Variants in EPC1 observed in about 807,000 individuals in gnomAD.
EPC1 encodes the protein enhancer of polycomb 1.
In EPC1, 12 loss-of-function variants were observed where a neutral mutation model predicts 98.4. That is an observed-to-expected ratio of 0.12 (90% CI 0.08 to 0.20). The LOEUF (loss-of-function observed/expected upper bound fraction) is 0.20. EPC1 is among the 10% of genes least tolerant of loss of function. EPC1 has a pLI of 1.00. For missense variants in EPC1, 729 were observed against 990.5 expected, an observed-to-expected ratio of 0.74 and a Z score of 3.54; for synonymous variants, 357 against 363.9, an observed-to-expected ratio of 0.98 and a Z score of 0.21.
Position 32,346,756 on chromosome 10 carries a change from C to G in EPC1, c.153+7G>C. 2 of 1,613,752 alleles carry G rather than the reference C, an allele frequency of 1.2e-6. No homozygotes were observed. Among genetic ancestry groups the G allele is most frequent in the South Asian group, 1.1e-5 (1 of 91,056 alleles). ...ACGGTGGGTCGGACAGGGGAGTTAA[C>G]ACGTACCGACTCCTCTTCCTTCTCC... On this transcript the variant is annotated splice_region_variant and intron_variant, in intron 1 of 13. Coordinates refer to ENST00000319778, the MANE Select transcript of EPC1 (RefSeq NM_001272004.3).
At chr10:32,275,945 A>G (rs1405014212) in intron 10 of EPC1, among the ~76,000 whole-genome samples, 1 of 152,176 alleles carries the variant, frequency 6.6e-6, no homozygotes, top group East Asian at 1.9e-4. Context: ...TCATAAAAAA[A>G]AAAAAATGCA....
intron 1 of EPC1, among the ~76,000 whole-genome samples, chr10:32,322,189 C>T (rs1048290789): frequency 4.0e-5 from 6 of 151,178 alleles, no homozygotes; most frequent in Non-Finnish European, 5.9e-5. Context: ...TATCGCAGTT[C>T]GCAGTAAAAA....
chr10:32,285,405 C>A, intron 9 of EPC1: 1 of 207,678 alleles, frequency 4.8e-6, no homozygotes, highest in Non-Finnish European at 9.7e-6. Flanking sequence ...ACATAGTATA[C>A]CATTAACATT....
chr10:32,298,137 C>T (rs532483943), intron 2 of EPC1, among the ~76,000 whole-genome samples: 2 of 152,160 alleles, frequency 1.3e-5, no homozygotes, highest in South Asian at 4.2e-4. Flanking sequence ...TGGTACAAAC[C>T]GTGGTATTTA....
chr10:32,351,905 AT>A (rs565894598), upstream of EPC1, among the ~76,000 whole-genome samples: 1 of 132,260 alleles, frequency 7.6e-6, no homozygotes, highest in Non-Finnish European at 1.6e-5. Flanking sequence ...TAATTTTTGT[AT>A]TTTTTTTAGT....
chr10:32,335,958 C>T (rs374614778), intron 1 of EPC1, among the ~76,000 whole-genome samples: 2 of 152,186 alleles, frequency 1.3e-5, no homozygotes, highest in South Asian at 4.1e-4. Flanking sequence ...AGCCTTCCAT[C>T]CCAATTGAGT....
In EPC1 at chr10:32,327,192, G is replaced by A. The variant is rs190577408; in HGVS notation, c.153+19571C>T. Among the ~76,000 whole-genome samples the A allele has an allele frequency of 2.8e-3, 428 of 151,964 alleles. 1 individual carries two copies. The highest frequency in any genetic ancestry group is 7.2e-3 in the Admixed American group (110 of 15,248). ...TACTATGTTAAAGTGAGATAAACCA[G>A]ACATAGAAAGATAAATATCACATGA... On this transcript the variant is annotated intron_variant, in intron 1 of 13. Coordinates refer to ENST00000319778, the MANE Select transcript of EPC1 (RefSeq NM_001272004.3).
intron 1 of EPC1, among the ~76,000 whole-genome samples, chr10:32,367,141 G>A (rs986215238): frequency 6.6e-6 from 1 of 152,088 alleles, no homozygotes; most frequent in Non-Finnish European, 1.5e-5. Context: ...GATTACAGGC[G>A]CCAGCCACCA....
At chr10:32,378,342 T>G (rs1839912511) in intron 1 of EPC1, 2 of 483,794 alleles carry the variant, frequency 4.1e-6, no homozygotes, top group Admixed American at 4.2e-5. Flanking sequence ...TTGGTAAAAA[T>G]TAACCAGGCA....
At chr10:32,271,299 G>A (rs1835831667) in intron 13 of EPC1, among the ~76,000 whole-genome samples, 1 of 152,072 alleles carries the variant, frequency 6.6e-6, no homozygotes, top group African/African-American at 2.4e-5. Flanking sequence ...TATAACTATT[G>A]TTATAGTAAG....
chr10:32,297,300 A>C, intron 2 of EPC1, among the ~76,000 whole-genome samples: 1 of 71,746 alleles, frequency 1.4e-5, no homozygotes, highest in Admixed American at 1.3e-4. Context: ...TTTTTTTTTT[A>C]GATGGAGTTT....
rs537623958 is a variant in EPC1, at chr10:32,296,410, G to C, written c.314-2673C>G. On this transcript the variant is annotated intron_variant, in intron 2 of 13. Coordinates refer to ENST00000319778, the MANE Select transcript of EPC1 (RefSeq NM_001272004.3). Reference sequence around the variant, plus strand: ...CCTTGCTTCGCATCAAAATACACTTGCCATAGCTTCTGGTAGATATTATAT... The same window carrying C: ...CCTTGCTTCGCATCAAAATACACTTCCCATAGCTTCTGGTAGATATTATAT... Among the ~76,000 whole-genome samples the C allele has an allele frequency of 2.0e-5, 3 of 152,236 alleles. No homozygotes were observed. The South Asian group carries it at 6.2e-4, about 32-fold the overall frequency.
At chr10:32,337,575 C>G (rs921160606) in intron 1 of EPC1, among the ~76,000 whole-genome samples, 2 of 152,242 alleles carry the variant, frequency 1.3e-5, no homozygotes, top group East Asian at 3.8e-4. Flanking sequence ...GTGCTGCAAT[C>G]TGAAAACTCT....
intron 1 of EPC1, among the ~76,000 whole-genome samples, chr10:32,339,904 G>T (rs1838230658): frequency 6.6e-6 from 1 of 152,022 alleles, no homozygotes; most frequent in Admixed American, 6.6e-5. Context: ...AGTTTCCTTA[G>T]GATACACAAT....
chr10:32,283,756 A>T (rs1388282133), intron 10 of EPC1: 5 of 152,214 alleles, frequency 3.3e-5, no homozygotes, highest in Non-Finnish European at 5.9e-5. Flanking sequence ...TCTGGTCAGG[A>T]GCAGACTATT....
At chr10:32,356,682 G>A (rs553852086) in intron 1 of EPC1, among the ~76,000 whole-genome samples, 5 of 152,248 alleles carry the variant, frequency 3.3e-5, no homozygotes, top group Admixed American at 2.6e-4. Flanking sequence ...TGGTGCCTGC[G>A]CACGTTGATT....
chr10:32,316,857 T>C (rs1182054349), intron 1 of EPC1, among the ~76,000 whole-genome samples: 3 of 152,334 alleles, frequency 2.0e-5, no homozygotes, highest in Admixed American at 2.0e-4. Context: ...ATGATATGCA[T>C]ACTGAAGTAT....
chr10:32,365,283 T>C (rs1404871869), intron 1 of EPC1, among the ~76,000 whole-genome samples: 1 of 152,138 alleles, frequency 6.6e-6, no homozygotes, highest in African/African-American at 2.4e-5. Context: ...TCAGAATTAA[T>C]ATGAAAAGAT....
chr10:32,273,344 C>T, intron 10 of EPC1, 63 bp from the exon 11 acceptor site: 1 of 1,548,578 alleles, frequency 6.5e-7, no homozygotes, highest in Non-Finnish European at 8.7e-7. Context: ...TCTTACAGTA[C>T]TAAAACAAAA....
Sources: allele counts gnomAD v4.1 joint callset (sites outside exome capture counted in the v4.1 genomes callset), GRCh38; gene constraint gnomAD v4.1.1; transcripts MANE v1.5; gene names NCBI Gene and HGNC (gene_info 2026-07-23, HGNC 2026-07-21).